The following AGBL3 variants were observed in gnomAD, a reference collection of about 807,000 sequenced individuals.
AGBL3 encodes the protein AGBL carboxypeptidase 3, also known as cytosolic carboxypeptidase 3.
Under a neutral mutation model 94.5 loss-of-function variants are expected in AGBL3, and 68 were observed. The ratio of observed to expected loss-of-function variants is 0.72; its 90% CI spans 0.59 to 0.88. The LOEUF is 0.88. AGBL3 is among the 40% of genes least tolerant of loss of function. The pLI is 0.00. For missense variants in AGBL3, 934 were observed against 1,103.8 expected (o/e 0.85, Z 2.18); for synonymous variants, 354 against 370.7 (o/e 0.95, Z 0.52).
rs191843501 is a variant in AGBL3 at position 135,019,224 on chromosome 7, T to C, written c.418+2065T>C. ...TATACCACACTTTGTCTTTTTATGA[T>C]ATGTGTTCAAGATGTAAATGCTGTG... is the stretch of plus-strand genomic sequence containing the variant. On this transcript the variant is annotated intron_variant, in intron 5 of 16. Transcript: ENST00000436302. Among the ~76,000 whole-genome samples the C allele has an allele frequency of 2.2e-4, 34 of 152,338 alleles. No individual in the cohort carries two copies. The East Asian group carries it at 4.8e-3, about 22-fold the overall frequency.
chr7:135,129,710 T>C, intron 16 of AGBL3: 1 of 754,770 alleles, frequency 1.3e-6, no homozygotes, highest in South Asian at 1.4e-5. Context: ...CTGCTCAAGA[T>C]ATGGAAGTGG....
chr7:135,089,793 C>T (rs142845917), intron 15 of AGBL3, among the ~76,000 whole-genome samples: 263 of 152,314 alleles, frequency 1.7e-3, no homozygotes, highest in Middle Eastern at 6.8e-3. Context: ...TCAAGACTGA[C>T]ACAACCTACA....
At chr7:135,130,806 C>A (rs762204091) in intron 16 of AGBL3, among the ~76,000 whole-genome samples, 3 of 151,970 alleles carry the variant, frequency 2.0e-5, no homozygotes, top group Non-Finnish European at 4.4e-5. Flanking sequence ...TCTTTTTTTG[C>A]AACAGCAGTG....
chr7:135,124,838 C>G (rs572333923), intron 16 of AGBL3, among the ~76,000 whole-genome samples: 19 of 152,182 alleles, frequency 1.2e-4, no homozygotes, highest in Non-Finnish European at 2.2e-4. Context: ...TCAAGAAGTT[C>G]TTTGAAACCA....
intron 15 of AGBL3, among the ~76,000 whole-genome samples, chr7:135,102,851 A>T (rs2117045177): frequency 6.6e-6 from 1 of 152,324 alleles, no homozygotes; most frequent in South Asian, 2.1e-4. Context: ...GAGAATCTTT[A>T]TGGTCTTGGA....
chr7:135,074,003 T>A (rs755422627), intron 12 of AGBL3, among the ~76,000 whole-genome samples: 23 of 151,658 alleles, frequency 1.5e-4, no homozygotes, highest in Non-Finnish European at 2.9e-4. Flanking sequence ...TAATGTACAA[T>A]GTGGTGACTA....
chr7:135,032,724 T>C (rs1815898617), intron 5 of AGBL3, 120 bp from the exon 6 acceptor site: 2 of 840,026 alleles, frequency 2.4e-6, no homozygotes, highest in Non-Finnish European at 1.7e-6. Flanking sequence ...TATAAATTAG[T>C]GTCCAGTTAC....
intron 11 of AGBL3, 86 bp from the exon 12 acceptor site, chr7:135,059,083 C>A: frequency 1.9e-6 from 2 of 1,050,454 alleles, no homozygotes; most frequent in Non-Finnish European, 2.8e-6. Context: ...ACTTTTCAAC[C>A]ATTCAAATAA....
chr7:135,113,921 G>T (rs1825973535), intron 15 of AGBL3, among the ~76,000 whole-genome samples: 1 of 152,204 alleles, frequency 6.6e-6, no homozygotes, highest in Non-Finnish European at 1.5e-5. Context: ...AAATTAGGAA[G>T]TGGAGTCAAA....
At chr7:135,094,747 A>G (rs1342698667) in intron 15 of AGBL3, among the ~76,000 whole-genome samples, 4 of 152,242 alleles carry the variant, frequency 2.6e-5, no homozygotes, top group Non-Finnish European at 4.4e-5. Context: ...GGTAGTAGTC[A>G]GAGACCATAC....
chr7:135,048,837 CTTCAT>C (rs1408811032), intron 11 of AGBL3, among the ~76,000 whole-genome samples: 1 of 150,180 alleles, frequency 6.7e-6, no homozygotes, highest in African/African-American at 2.4e-5. Flanking sequence ...AATTTTACTT[CTTCAT>C]TTCCAGTTTA....
At chr7:135,076,883 C>CACA (rs34015368) in intron 13 of AGBL3, among the ~76,000 whole-genome samples, 73,065 of 151,380 alleles carry the variant, frequency 0.48, 17,955 homozygotes, top group South Asian at 0.65. Flanking sequence ...TGAAATTATC[C>CACA]ACAACAACAA....
chr7:135,096,582 T>TAG (rs1277250389), intron 15 of AGBL3, among the ~76,000 whole-genome samples: 25 of 35,702 alleles, frequency 7.0e-4, no homozygotes, highest in African/African-American at 1.8e-3. Flanking sequence ...GATAGATAGA[T>TAG]ACATAGATAG....
At chr7:135,002,462 C>T (rs1811835187) in intron 4 of AGBL3, among the ~76,000 whole-genome samples, 1 of 152,110 alleles carries the variant, frequency 6.6e-6, no homozygotes, top group South Asian at 2.1e-4. Context: ...GGAATGCCCA[C>T]GTGGCTGGCT....
Position 135,034,773 on chromosome 7 carries a change from T to C in AGBL3, c.1182T>C (p.Thr394=). ...NSSDAQLLRD[T]FVFKVVPMLN... is the part of the protein sequence containing the mutation. ...GTGATGCACAGTTGCTTCGGGACACTTTTGTCTTCAAGGTGGTACCCATGC... is the reference window on the plus strand; with the variant it reads ...GTGATGCACAGTTGCTTCGGGACACCTTTGTCTTCAAGGTGGTACCCATGC... Residue 394 remains threonine, a synonymous_variant, in exon 7 of 17, where the codon ACT becomes ACC. Coordinates refer to ENST00000436302, the MANE Select transcript of AGBL3 (RefSeq NM_178563.4). The C allele has an allele frequency of 6.4e-7, 1 of 1,551,952 alleles. No individual in the cohort carries two copies. Among genetic ancestry groups the C allele is most frequent in the Non-Finnish European group, 8.7e-7 (1 of 1,147,142 alleles).
chr7:135,049,118 A>G (rs1478452964), intron 11 of AGBL3, among the ~76,000 whole-genome samples: 1 of 151,666 alleles, frequency 6.6e-6, no homozygotes, highest in Non-Finnish European at 1.5e-5. Context: ...CTTTCCTTCT[A>G]TTCTTAGTTT....
In AGBL3 at chr7:135,131,994, T is replaced by C. The variant is rs558835837; in HGVS notation, c.2343-2847T>C. On this transcript the variant is annotated intron_variant, in intron 16 of 16. Coordinates refer to ENST00000436302, the MANE Select transcript of AGBL3 (RefSeq NM_178563.4). ...CTCATTCAATATGAAATAGAATATT[T>C]GAATACCCCTGTAACTAATAAGGAA... 6.4e-4 allele frequency among the ~76,000 whole-genome samples: 98 copies of C among 152,256 alleles called. 1 individual carries two copies. Among genetic ancestry groups the C allele is most frequent in the Middle Eastern group, 3.4e-3 (1 of 294 alleles).
chr7:135,054,149 G>A (rs550264763), intron 11 of AGBL3, among the ~76,000 whole-genome samples: 2 of 152,282 alleles, frequency 1.3e-5, no homozygotes, highest in East Asian at 3.9e-4. Flanking sequence ...TACAAATGAG[G>A]AGTTTAAGGC....
rs1171188152 is a variant in AGBL3, at chr7:135,034,568, G to A, written c.977G>A (p.Arg326His). 1.7e-5 allele frequency: 26 copies of A among 1,551,668 alleles called. No individual in the cohort carries two copies. The highest frequency in any genetic ancestry group is 1.1e-4 in the African/African-American group (8 of 73,002). Residue 326 changes from arginine (R) to histidine (H), a missense_variant, in exon 7 of 17, where the codon CGT becomes CAT. Coordinates refer to ENST00000436302, the MANE Select transcript of AGBL3 (RefSeq NM_178563.4). ...DPVRSKFCKI[R>H]VLCHTLARNM... Reference sequence around the variant, plus strand: ...GTACGGTCAAAGTTTTGTAAAATACGTGTTTTGTGCCACACGCTTGCTAGG... The same window carrying A: ...GTACGGTCAAAGTTTTGTAAAATACATGTTTTGTGCCACACGCTTGCTAGG...
Sources: gnomAD v4.1 joint callset for allele counts (sites outside exome capture counted in the v4.1 genomes callset) on GRCh38, gnomAD v4.1.1 for gene constraint, MANE v1.5 for transcripts, NCBI Gene and HGNC (gene_info 2026-07-23, HGNC 2026-07-21) for gene names.